The following UTP4 variants were observed in gnomAD, a reference collection of about 807,000 sequenced individuals.
UTP4 encodes the protein U3 small nucleolar RNA-associated protein 4 homolog.
A neutral mutation model predicts 82.4 loss-of-function variants in UTP4; 45 were observed. That is an observed-to-expected ratio of 0.55 (90% CI 0.43 to 0.70). UTP4 has a LOEUF of 0.70. Ranked by LOEUF, UTP4 falls within the 30% of genes least tolerant of loss-of-function variation. UTP4 has a pLI of 0.00. For missense variants in UTP4, 819 were observed against 858.3 expected (o/e 0.95, Z 0.57); for synonymous variants, 348 against 300.3 (o/e 1.16, Z -1.64).
intron 12 of UTP4, among the ~76,000 whole-genome samples, chr16:69,159,242 AT>A (rs938849860): frequency 1.0e-4 from 15 of 147,496 alleles, no homozygotes; most frequent in Non-Finnish European, 1.2e-4. Flanking sequence ...ACGCCCAGCT[AT>A]TTTTTTTTTG....
chr16:69,143,738 T>TA (rs766075462), intron 6 of UTP4, among the ~76,000 whole-genome samples: 4 of 152,046 alleles, frequency 2.6e-5, no homozygotes, highest in East Asian at 3.8e-4. Context: ...TTAATTTAAT[T>TA]AAAAAAATAG....
At chr16:69,139,642 A>ATAAG (rs1962903628) in intron 4 of UTP4, 183 bp from the exon 5 acceptor site, 1 of 157,744 alleles carries the variant, frequency 6.3e-6, no homozygotes, top group Admixed American at 7.2e-5. Context: ...CGTCTCAAAA[A>ATAAG]TAAATAAATA....
rs149173188 is a variant in UTP4 at position 69,139,776 on chromosome 16, G to A, written c.437-49G>A. On this transcript the variant is annotated intron_variant, in intron 4 of 16. Transcript: ENST00000314423. Reference sequence around the variant, plus strand: ...TGGGAAGAGAGCTCAGTTACTCTTCGTATATTTATGTGTATGTCACTTTCT... The same window carrying A: ...TGGGAAGAGAGCTCAGTTACTCTTCATATATTTATGTGTATGTCACTTTCT... 307 of 1,230,576 alleles carry A rather than the reference G, an allele frequency of 2.5e-4. 3 individuals carry two copies. In the African/African-American group the frequency reaches 3.6e-3, roughly 14 times the overall value. The allele number at this position is 1,230,576 out of a possible 1,614,324, so 76.2% of individuals were successfully genotyped here. A position where few individuals can be genotyped will look rare whatever the true frequency, so the allele number is the denominator to read the frequency against.
intron 5 of UTP4, chr16:69,142,242 G>A (rs1409636528): frequency 6.6e-6 from 1 of 152,216 alleles, no homozygotes; most frequent in African/African-American, 2.4e-5. Flanking sequence ...AGAATCTTCA[G>A]ATCTTTTCTT....
chr16:69,150,116 GT>G (rs1963220916), intron 6 of UTP4, among the ~76,000 whole-genome samples: 1 of 152,224 alleles, frequency 6.6e-6, no homozygotes, highest in African/African-American at 2.4e-5. Context: ...ATTTTTATTG[GT>G]TTAATACATT....
At position 69,157,295 on chromosome 16, in the gene UTP4, T is replaced by C. The variant is rs181186165; in HGVS notation, c.1444+55T>C. The stretch of plus-strand genomic sequence containing the variant: ...ACTTGTCGTGTCTAAGATGTAACTT[T>C]TTTGCTTTTAAGCCTCCATGTCGGG... On this transcript the variant is annotated intron_variant, in intron 12 of 16. Transcript: ENST00000314423. 57 of 1,594,736 alleles carry C rather than the reference T, an allele frequency of 3.6e-5. No individual in the cohort carries two copies. In the East Asian group the frequency reaches 1.1e-3, roughly 31 times the overall value.
Position 69,150,420 on chromosome 16 carries a change from C to T in UTP4, c.739-117C>T, listed in dbSNP as rs1260403425. The T allele has an allele frequency of 5.3e-6, 6 of 1,134,296 alleles. No individual in the cohort carries two copies. The African/African-American group carries it at 7.6e-5, about 14-fold the overall frequency. The allele number at this position is 1,134,296 out of a possible 1,614,324, so 70.3% of individuals were successfully genotyped here. On this transcript the variant is annotated intron_variant, in intron 6 of 16. Transcript: ENST00000314423. ...GAAGGAAAAGACCCTTGTAACTTTC[C>T]TACTGATTCTGGGCATAGGTTTACC...
At position 69,143,368 on chromosome 16, in the gene UTP4, G is replaced by A; in HGVS notation, c.717G>A (p.Val239=). 1.2e-6 allele frequency: 2 copies of A among 1,614,142 alleles called. No homozygotes were observed. The highest frequency in any genetic ancestry group is 2.2e-5 in the East Asian group (1 of 44,880). Residue 239 remains valine, a synonymous_variant, in exon 6 of 17, where the codon GTG becomes GTA. Transcript: ENST00000314423. ...GCCATCTCATCGCTAATGCTGACGT[G>A]CAGTCCATTGCTGTAGCTGACGTGA... ...VKSHLIANAD[V]QSIAVADQED... is the part of the protein sequence containing the mutation.
chr16:69,145,892 A>AAT (rs1198301099), intron 6 of UTP4, among the ~76,000 whole-genome samples: 2 of 152,118 alleles, frequency 1.3e-5, no homozygotes, highest in Non-Finnish European at 2.9e-5. Flanking sequence ...TTATCTGTGA[A>AAT]AAAGGTTACT....
chr16:69,143,252 GT>G lies in UTP4; in HGVS notation c.602del (p.Val201AlafsTer10). On this transcript the variant is annotated frameshift_variant, in exon 6 of 17. Transcript: ENST00000314423. LOFTEE classifies it high-confidence loss of function. ...VSKRKCIVWG[V>X]AFLSDGTIIS... ...TAAGCGGAAGTGCATCGTGTGGGGT[GT>G]CGCCTTCTTGTCCGATGGCACTATC... 1 of 1,614,246 alleles carries G rather than the reference GT, an allele frequency of 6.2e-7. No homozygotes were observed. The highest frequency in any genetic ancestry group is 8.5e-7 in the Non-Finnish European group (1 of 1,180,040).
intron 2 of UTP4, among the ~76,000 whole-genome samples, chr16:69,135,539 C>T (rs937551596): frequency 2.6e-5 from 4 of 151,720 alleles, no homozygotes; most frequent in South Asian, 2.1e-4. Flanking sequence ...ATAGTGAGAC[C>T]CCATCCCTAA....
chr16:69,162,384 C>T (rs1276691055), intron 13 of UTP4, among the ~76,000 whole-genome samples: 3 of 151,266 alleles, frequency 2.0e-5, no homozygotes, highest in Admixed American at 6.6e-5. Context: ...AAAACCAGCC[C>T]GGCCAACATA....
intron 10 of UTP4, among the ~76,000 whole-genome samples, chr16:69,154,777 G>A (rs1186980910): frequency 6.6e-6 from 1 of 151,780 alleles, no homozygotes; most frequent in Non-Finnish European, 1.5e-5. Context: ...TGCCCAAGCT[G>A]GAGTGCAATG....
chr16:69,149,786 T>G (rs1417896509), intron 6 of UTP4, among the ~76,000 whole-genome samples: 1 of 152,094 alleles, frequency 6.6e-6, no homozygotes, highest in Non-Finnish European at 1.5e-5. Context: ...TGGAGTGCAG[T>G]GGTGCGATCT....
intron 2 of UTP4, 156 bp from the exon 3 acceptor site, chr16:69,136,540 T>G: frequency 1.3e-6 from 1 of 759,108 alleles, no homozygotes; most frequent in South Asian, 1.5e-5. Flanking sequence ...GAATTTGAGC[T>G]GAAAAAATGA....
At chr16:69,143,008 C>T (rs1963004285) in intron 5 of UTP4, among the ~76,000 whole-genome samples, 170 bp from the exon 6 acceptor site, 1 of 152,200 alleles carries the variant, frequency 6.6e-6, no homozygotes, top group Non-Finnish European at 1.5e-5. Context: ...CCATATCATG[C>T]TTACCGCAGG....
intron 5 of UTP4, among the ~76,000 whole-genome samples, chr16:69,142,904 A>G (rs1052388599): frequency 6.6e-6 from 1 of 151,970 alleles, no homozygotes; most frequent in African/African-American, 2.4e-5. Flanking sequence ...AGGCTCTCCC[A>G]ACACCCCTTC....
chr16:69,157,325 C>G, intron 12 of UTP4, 85 bp downstream of exon 12: 3 of 1,326,072 alleles, frequency 2.3e-6, no homozygotes, highest in Non-Finnish European at 3.2e-6. Flanking sequence ...GTCGGGGGTT[C>G]CCTCATGTTC....
At chr16:69,161,934 GT>G (rs1444240810) in intron 13 of UTP4, among the ~76,000 whole-genome samples, 5 of 151,750 alleles carry the variant, frequency 3.3e-5, no homozygotes, top group Non-Finnish European at 2.9e-5. Flanking sequence ...AAGTGCTGTA[GT>G]TACAGGTGTG....
Sources: allele counts gnomAD v4.1 joint callset (sites outside exome capture counted in the v4.1 genomes callset), GRCh38; gene constraint gnomAD v4.1.1; transcripts MANE v1.5; gene names NCBI Gene and HGNC (gene_info 2026-07-23, HGNC 2026-07-21).